The following GRM8 variants were observed in gnomAD, a reference collection of about 807,000 sequenced individuals.
GRM8 encodes metabotropic glutamate receptor 8.
Under a neutral mutation model 87.2 loss-of-function variants are expected in GRM8, and 47 were observed. The observed-to-expected ratio is 0.54, with a 90% CI of 0.43 to 0.69. The LOEUF (loss-of-function observed/expected upper bound fraction) is 0.69, where lower values mean the gene tolerates loss of function less well. Among genes scored for constraint, GRM8 ranks in the 30% least tolerant of loss-of-function variants. The pLI, the probability that GRM8 is intolerant of heterozygous loss-of-function variation, is 0.00. For synonymous variants in GRM8, 396 were observed against 404.5 expected (o/e 0.98, Z 0.25); for missense variants, 1,019 against 1,139.2 (o/e 0.89, Z 1.52).
intron 3 of GRM8, among the ~76,000 whole-genome samples, chr7:126,991,410 G>A (rs766841943): frequency 1.1e-4 from 16 of 152,110 alleles, no homozygotes; most frequent in Admixed American, 5.2e-4. Context: ...ACTGTGTTCC[G>A]AAGCCTAGAG....
chr7:126,508,282 T>C (rs1584874383), intron 9 of GRM8, among the ~76,000 whole-genome samples: 1 of 151,580 alleles, frequency 6.6e-6, no homozygotes. Context: ...CAAACACACA[T>C]TGATTTCTCA....
At chr7:126,955,011 A>G (rs1808529793) in intron 3 of GRM8, among the ~76,000 whole-genome samples, 1 of 152,200 alleles carries the variant, frequency 6.6e-6, no homozygotes, top group South Asian at 2.1e-4. Context: ...CAGAATGAGG[A>G]GAGCTTGCAG....
intron 8 of GRM8, among the ~76,000 whole-genome samples, chr7:126,580,572 A>G (rs1464286703): frequency 1.3e-5 from 2 of 152,090 alleles, no homozygotes; most frequent in Non-Finnish European, 2.9e-5. Flanking sequence ...ATTTCCATTT[A>G]TCGGTATTCC....
At chr7:126,585,391 T>C (rs1397942828) in intron 8 of GRM8, among the ~76,000 whole-genome samples, 1 of 152,168 alleles carries the variant, frequency 6.6e-6, no homozygotes, top group Non-Finnish European at 1.5e-5. Flanking sequence ...GTTTGTCCAT[T>C]AAGTTCATTT....
At chr7:126,784,542 C>G (rs1045392845) in intron 6 of GRM8, among the ~76,000 whole-genome samples, 2 of 152,128 alleles carry the variant, frequency 1.3e-5, no homozygotes, top group African/African-American at 4.8e-5. Context: ...GGAGAGAAAA[C>G]AGGTATGATA....
chr7:126,688,946 A>T (rs147198142), intron 7 of GRM8, among the ~76,000 whole-genome samples: 1 of 152,154 alleles, frequency 6.6e-6, no homozygotes. Flanking sequence ...CCCGCAAAGG[A>T]GCAACTGCAT....
At chr7:126,601,042 T>C (rs1037084788) in intron 8 of GRM8, among the ~76,000 whole-genome samples, 3 of 151,442 alleles carry the variant, frequency 2.0e-5, no homozygotes, top group Non-Finnish European at 2.9e-5. Flanking sequence ...TAACTCGTCA[T>C]CTAGCATTAG....
At chr7:127,113,409 G>T (rs573008485) in intron 2 of GRM8, among the ~76,000 whole-genome samples, 43 of 152,240 alleles carry the variant, frequency 2.8e-4, no homozygotes, top group African/African-American at 1.0e-3. Flanking sequence ...GTACAGATTT[G>T]CAGACAGAAG....
intron 7 of GRM8, among the ~76,000 whole-genome samples, chr7:126,652,012 C>T (rs1803946771): frequency 1.3e-5 from 2 of 152,174 alleles, no homozygotes; most frequent in South Asian, 2.1e-4. Context: ...AGGTAGTCAT[C>T]AATACCAGCT....
chr7:127,224,241 T>C (rs757584272), intron 2 of GRM8, among the ~76,000 whole-genome samples: 16 of 151,604 alleles, frequency 1.1e-4, no homozygotes, highest in Non-Finnish European at 1.6e-4. Flanking sequence ...CCCAAAGAAA[T>C]CCACACCAAG....
chr7:126,680,891 T>G (rs1029558870), intron 7 of GRM8, among the ~76,000 whole-genome samples: 1 of 152,010 alleles, frequency 6.6e-6, no homozygotes, highest in Non-Finnish European at 1.5e-5. Context: ...ACGTGATTAA[T>G]TTTCCCTTGT....
chr7:126,545,015 T>C (rs1816982282), intron 8 of GRM8, among the ~76,000 whole-genome samples: 1 of 152,186 alleles, frequency 6.6e-6, no homozygotes, highest in Non-Finnish European at 1.5e-5. Flanking sequence ...GTTTTTATCG[T>C]CCGACAATCT....
chr7:126,928,310 C>T (rs1413639289), intron 3 of GRM8, among the ~76,000 whole-genome samples: 1 of 152,084 alleles, frequency 6.6e-6, no homozygotes, highest in Non-Finnish European at 1.5e-5. Context: ...ACCACCATGG[C>T]ACATGTATAC....
intron 6 of GRM8, among the ~76,000 whole-genome samples, chr7:126,876,650 A>G (rs956186880): frequency 6.6e-6 from 1 of 152,314 alleles, no homozygotes; most frequent in African/African-American, 2.4e-5. Flanking sequence ...AGGCTAATCT[A>G]TCCTTAGCTC....
intron 9 of GRM8, among the ~76,000 whole-genome samples, chr7:126,455,587 T>A (rs1584667508): frequency 6.6e-6 from 1 of 151,918 alleles, no homozygotes; most frequent in East Asian, 2.0e-4. Context: ...TATAATTACA[T>A]CTTCTTAAAC....
intron 7 of GRM8, among the ~76,000 whole-genome samples, chr7:126,745,764 T>G (rs1443419988): frequency 3.3e-5 from 5 of 151,742 alleles, no homozygotes; most frequent in Admixed American, 3.3e-4. Context: ...TTGAATTTCT[T>G]CTTGCACACT....
At chr7:126,858,159 A>T (rs1022366614) in intron 6 of GRM8, among the ~76,000 whole-genome samples, 2 of 152,122 alleles carry the variant, frequency 1.3e-5, no homozygotes, top group African/African-American at 4.8e-5. Context: ...AAGAGGCTGG[A>T]TCTGAGATAT....
At chr7:126,919,744 C>T (rs1372039714) in intron 3 of GRM8, among the ~76,000 whole-genome samples, 1 of 152,144 alleles carries the variant, frequency 6.6e-6, no homozygotes, top group African/African-American at 2.4e-5. Flanking sequence ...TCCTGCTCAA[C>T]TTTCCCTTTC....
At chr7:126,463,391 T>C (rs987874963) in intron 9 of GRM8, among the ~76,000 whole-genome samples, 1 of 151,592 alleles carries the variant, frequency 6.6e-6, no homozygotes, top group African/African-American at 2.4e-5. Flanking sequence ...AAGTGAAAAC[T>C]GAGAAGGATG....
Sources: gnomAD v4.1 joint callset for allele counts (sites outside exome capture counted in the v4.1 genomes callset) on GRCh38, gnomAD v4.1.1 for gene constraint, MANE v1.5 for transcripts, NCBI Gene and HGNC (gene_info 2026-07-23, HGNC 2026-07-21) for gene names.